The following SAC3D1 variants were observed in gnomAD, a reference collection of about 807,000 sequenced individuals.
SAC3D1 encodes SAC3 domain containing 1.
SAC3D1 carries 10 observed loss-of-function variants against 12.7 expected under a neutral mutation model. The ratio of observed to expected loss-of-function variants is 0.79; its 90% CI spans 0.49 to 1.34. SAC3D1 has a LOEUF of 1.34. Ranked by LOEUF, SAC3D1 falls within the 40% of genes most tolerant of loss-of-function variation. The pLI is 0.00. For missense variants in SAC3D1, 482 were observed against 531.1 expected (o/e 0.91, Z 0.91); for synonymous variants, 241 against 250.8 (o/e 0.96, Z 0.37).
chr11:65,041,552 C>T lies in SAC3D1; in HGVS notation c.260C>T (p.Ala87Val). Residue 87 changes from alanine (A) to valine (V), a missense_variant, in exon 1 of 2, where the codon GCG (alanine) becomes GTG (valine). This residue lies in a region of SAC3D1 where 197 missense variants were observed against 183.2 expected (regional missense o/e 1.08). Coordinates refer to ENST00000652489, the MANE Select transcript of SAC3D1 (RefSeq NM_013299.4). The stretch of plus-strand genomic sequence containing the variant: ...GTGCGCTACCTGGCCGGTGAGGTGG[C>T]GGAGAGCGCCGACATCGCCCGCGCC... ...ATVRYLAGEV[A>V]ESADIARAEV... 6.8e-7 allele frequency: 1 copy of T among 1,476,606 alleles called. No homozygotes were observed. Among genetic ancestry groups the T allele is most frequent in the Non-Finnish European group, 8.9e-7 (1 of 1,119,426 alleles). 91.5% of individuals were successfully genotyped at this position (1,476,606 alleles called of 1,614,324 possible). A position where few individuals can be genotyped will look rare whatever the true frequency, so the allele number is the denominator to read the frequency against.
chr11:65,042,655 C>T (rs1046884539), intron 1 of SAC3D1, among the ~76,000 whole-genome samples: 5 of 152,064 alleles, frequency 3.3e-5, no homozygotes, highest in African/African-American at 1.2e-4. Flanking sequence ...TATTCGCCTG[C>T]GTCAGCCTCC....
chr11:65,043,900 T>A (rs1946659492), intron 1 of SAC3D1, among the ~76,000 whole-genome samples: 1 of 151,944 alleles, frequency 6.6e-6, no homozygotes, highest in African/African-American at 2.4e-5. Flanking sequence ...TGGACTGGGG[T>A]CAGGCTCAAC....
chr11:65,041,939 G>A, intron 1 of SAC3D1, 73 bp downstream of exon 1: 1 of 1,293,862 alleles, frequency 7.7e-7, no homozygotes, highest in South Asian at 2.1e-5. Context: ...GTAGGGAAAG[G>A]AAGGATTAGC....
intron 1 of SAC3D1, among the ~76,000 whole-genome samples, chr11:65,042,201 G>A (rs772070650): frequency 6.6e-6 from 1 of 150,892 alleles, no homozygotes; most frequent in African/African-American, 2.4e-5. Flanking sequence ...TGGGTCAAGC[G>A]ATTCTTCTGC....
At chr11:65,042,384 C>T (rs947809475) in intron 1 of SAC3D1, among the ~76,000 whole-genome samples, 7 of 147,738 alleles carry the variant, frequency 4.7e-5, no homozygotes, top group Non-Finnish European at 7.4e-5. Context: ...CGTGAGCCAC[C>T]GCGCCCGGCT....
chr11:65,041,390 AGGT>A lies in SAC3D1; in HGVS notation c.103_105del (p.Val35del), dbSNP rs1458875431. Reference sequence around the variant, plus strand: ...AGGGAGCACCGCCTGCACCGCTTGGAGGTGGTGCCGGGTTGCCGCCAGGACCCG... The same window carrying A: ...AGGGAGCACCGCCTGCACCGCTTGGAGGTGCCGGGTTGCCGCCAGGACCCG... On this transcript the variant is annotated inframe_deletion, in exon 1 of 2. Coordinates refer to ENST00000652489, the MANE Select transcript of SAC3D1 (RefSeq NM_013299.4). 1.4e-5 allele frequency: 21 copies of A among 1,507,724 alleles called. No individual in the cohort carries two copies. Among genetic ancestry groups the A allele is most frequent in the Non-Finnish European group, 1.8e-5 (21 of 1,135,370 alleles). 93.4% of individuals were successfully genotyped at this position (1,507,724 alleles called of 1,614,324 possible).
chr11:65,042,903 A>G (rs1201514757), intron 1 of SAC3D1: 1 of 295,930 alleles, frequency 3.4e-6, no homozygotes, highest in African/African-American at 2.3e-5. Context: ...TGGCTTAATT[A>G]TAGTTCACTG....
chr11:65,041,753 T>C lies in SAC3D1; in HGVS notation c.461T>C (p.Leu154Pro), dbSNP rs919537145. Reference protein sequence around the residue: ...AARGPADPVLLQAQVQEGFGS... With the variant: ...AARGPADPVLPQAQVQEGFGS... ...CGGGGACCCGCGGACCCGGTGCTGC[T>C]GCAGGCCCAGGTGCAGGAGGGCTTC... is the stretch of plus-strand genomic sequence containing the variant. The change falls in exon 1 of 2, where the codon CTG becomes CCG. Residue 154 changes from leucine to proline, a missense_variant. Physicochemically the swap from Leu to Pro is moderately conservative, Grantham distance 98. This residue lies in a region of SAC3D1 where 60 missense variants were observed against 106.9 expected (regional missense o/e 0.56). Coordinates refer to ENST00000652489, the MANE Select transcript of SAC3D1 (RefSeq NM_013299.4). The C allele has an allele frequency of 1.5e-6, 2 of 1,335,684 alleles. No homozygotes were observed. Among genetic ancestry groups the C allele is most frequent in the African/African-American group, 3.1e-5 (2 of 64,958 alleles). 82.7% of individuals were successfully genotyped at this position (1,335,684 alleles called of 1,614,324 possible).
chr11:65,044,257 C>G lies in SAC3D1; in HGVS notation c.607C>G (p.Leu203Val), dbSNP rs1946668190. ...SVEALHEVLQ[L>V]PAALRACPPL... ...GGAAGCCCTGCATGAGGTTCTACAG[C>G]TGCCTGCTGCCCTGCGCGCCTGCCC... Residue 203 changes from leucine to valine, a missense_variant, in exon 2 of 2, where the codon CTG becomes GTG. Coordinates refer to ENST00000652489, the MANE Select transcript of SAC3D1 (RefSeq NM_013299.4). The surrounding 1 kb of genome is among the most constrained non-coding windows in gnomAD (Gnocchi z 4.0). 6.2e-7 allele frequency: 1 copy of G among 1,613,020 alleles called. No individual in the cohort carries two copies. The highest frequency in any genetic ancestry group is 8.5e-7 in the Non-Finnish European group (1 of 1,179,972).
In SAC3D1 at chr11:65,041,353, G is replaced by C. The variant is rs756082534; in HGVS notation, c.61G>C (p.Ala21Pro). The C allele has an allele frequency of 1.5e-4, 220 of 1,509,616 alleles. 1 individual carries two copies. The highest frequency in any genetic ancestry group is 1.9e-4 in the Non-Finnish European group (217 of 1,136,300). The allele number at this position is 1,509,616 out of a possible 1,614,324, so 93.5% of individuals were successfully genotyped here. ...GGACATGTGCCCGGCCGCCGAGCGC[G>C]CCCAGCGCGAAAGGGAGCACCGCCT... ...CPDMCPAAER[A>P]QREREHRLHR... The change falls in exon 1 of 2, where the codon GCC becomes CCC. Residue 21 changes from alanine (A) to proline (P), a missense_variant. Coordinates refer to ENST00000652489, the MANE Select transcript of SAC3D1 (RefSeq NM_013299.4).
chr11:65,043,935 C>G (rs1049267288), intron 1 of SAC3D1, among the ~76,000 whole-genome samples: 33 of 152,336 alleles, frequency 2.2e-4, no homozygotes, highest in African/African-American at 7.5e-4. Context: ...AGGACACTCT[C>G]AGGCGAATCA....
rs1327160863 is a variant in SAC3D1, at chr11:65,041,424, C to G, written c.132C>G (p.Arg44=). ...VVPGCRQDPP[R]ADPQRAVKEY... ...CGGGTTGCCGCCAGGACCCGCCCCG[C>G]GCGGATCCGCAGCGCGCGGTGAAGG... Residue 44 remains arginine, a synonymous_variant, in exon 1 of 2, where the codon CGC becomes CGG. Coordinates refer to ENST00000652489, the MANE Select transcript of SAC3D1 (RefSeq NM_013299.4). The G allele has an allele frequency of 6.6e-7, 1 of 1,504,340 alleles. No homozygotes were observed. Among genetic ancestry groups the G allele is most frequent in the Non-Finnish European group, 8.8e-7 (1 of 1,133,578 alleles). The allele number at this position is 1,504,340 out of a possible 1,614,324, so 93.2% of individuals were successfully genotyped here.
In SAC3D1 at chr11:65,041,557, A is replaced by G. The variant is rs573623943; in HGVS notation, c.265A>G (p.Ser89Gly). The change falls in exon 1 of 2, where the codon AGC becomes GGC. Residue 89 changes from serine (S) to glycine (G), a missense_variant. Coordinates refer to ENST00000652489, the MANE Select transcript of SAC3D1 (RefSeq NM_013299.4). ...CTACCTGGCCGGTGAGGTGGCGGAG[A>G]GCGCCGACATCGCCCGCGCCGAGGT... ...VRYLAGEVAE[S>G]ADIARAEVAS... The G allele has an allele frequency of 4.1e-6, 6 of 1,477,680 alleles. No homozygotes were observed. The African/African-American group carries it at 4.4e-5, about 11-fold the overall frequency. The allele number at this position is 1,477,680 out of a possible 1,614,324, so 91.5% of individuals were successfully genotyped here.
chr11:65,044,102 A>C lies in SAC3D1; in HGVS notation c.575-123A>C. On this transcript the variant is annotated intron_variant, in intron 1 of 1. Transcript: ENST00000652489. The surrounding 1 kb of genome is among the most constrained non-coding windows in gnomAD (Gnocchi z 4.0). Reference sequence around the variant, plus strand: ...GGCTGGCCCTTAGAGGGGAGAGGGAAGTTGGGCTAGGCCTAGAGAAGGGGC... The same window carrying C: ...GGCTGGCCCTTAGAGGGGAGAGGGACGTTGGGCTAGGCCTAGAGAAGGGGC... 4 of 1,119,322 alleles carry C rather than the reference A, an allele frequency of 3.6e-6. No individual in the cohort carries two copies. The highest frequency in any genetic ancestry group is 5.1e-6 in the Non-Finnish European group (4 of 778,210). 69.3% of individuals were successfully genotyped at this position (1,119,322 alleles called of 1,614,324 possible). A position where few individuals can be genotyped will look rare whatever the true frequency, so the allele number is the denominator to read the frequency against.
chr11:65,041,727 G>GCGGGGACC lies in SAC3D1; in HGVS notation c.438_445dup (p.Ala149GlyfsTer74), dbSNP rs1358138143. The GCGGGGACC allele has an allele frequency of 1.5e-6, 2 of 1,306,230 alleles. No homozygotes were observed. Among genetic ancestry groups the GCGGGGACC allele is most frequent in the African/African-American group, 1.5e-5 (1 of 64,572 alleles). 80.9% of individuals were successfully genotyped at this position (1,306,230 alleles called of 1,614,324 possible). ...TGGCGCGGCTCGGGCCCGACGCGGC[G>GCGGGGACC]CGGGGACCCGCGGACCCGGTGCTGC... is the stretch of plus-strand genomic sequence containing the variant. On this transcript the variant is annotated frameshift_variant, in exon 1 of 2. Transcript: ENST00000652489. LOFTEE classifies it high-confidence loss of function.
intron 1 of SAC3D1, 127 bp downstream of exon 1, chr11:65,041,993 C>T (rs1946614832): frequency 1.7e-6 from 2 of 1,205,556 alleles, no homozygotes; most frequent in African/African-American, 1.6e-5. Flanking sequence ...AGCACAAGAT[C>T]CACCGAGCCC....
Position 65,041,464 on chromosome 11 carries a change from G to A in SAC3D1, c.172G>A (p.Ala58Thr), listed in dbSNP as rs1039099086. Reference sequence around the variant, plus strand: ...CGCGGTGAAGGAGTACAGCCGACCCGCCGCCGGCAAGCCCCGGCCCCCGCC... The same window carrying A: ...CGCGGTGAAGGAGTACAGCCGACCCACCGCCGGCAAGCCCCGGCCCCCGCC... The part of the protein sequence containing the change: ...QRAVKEYSRP[A>T]AGKPRPPPSQ... The change falls in exon 1 of 2, where the codon GCC becomes ACC. Residue 58 changes from alanine to threonine, a missense_variant. Around this residue, in one of 3 missense-constraint regions of SAC3D1, gnomAD observed 197 missense variants for 183.2 expected, o/e 1.08. Coordinates refer to ENST00000652489, the MANE Select transcript of SAC3D1 (RefSeq NM_013299.4). 1 of 1,482,034 alleles carries A rather than the reference G, an allele frequency of 6.7e-7. No individual in the cohort carries two copies. Among genetic ancestry groups the A allele is most frequent in the Middle Eastern group, 2.2e-4 (1 of 4,484 alleles). The allele number at this position is 1,482,034 out of a possible 1,614,324, so 91.8% of individuals were successfully genotyped here.
Position 65,041,227 on chromosome 11 carries a change from C to T in SAC3D1, c.-66C>T, listed in dbSNP as rs781740252. On this transcript the variant is annotated 5_prime_UTR_variant, in exon 1 of 2. Coordinates refer to ENST00000652489, the MANE Select transcript of SAC3D1 (RefSeq NM_013299.4). Reference sequence around the variant, plus strand: ...GCTCCCCACCCCCCGGCCGGCCTCGCGTGCCTTCCCGCAGCACTGCCGTCC... The same window carrying T: ...GCTCCCCACCCCCCGGCCGGCCTCGTGTGCCTTCCCGCAGCACTGCCGTCC... 2.9e-5 allele frequency: 41 copies of T among 1,425,300 alleles called. No homozygotes were observed. Among genetic ancestry groups the T allele is most frequent in the Middle Eastern group, 2.4e-4 (1 of 4,136 alleles). 88.3% of individuals were successfully genotyped at this position (1,425,300 alleles called of 1,614,324 possible).
In SAC3D1 at chr11:65,042,654, G is replaced by A. The variant is rs535887324; in HGVS notation, c.574+788G>A. ...CCTCCCGGGTTCAGGCTATTCGCCT[G>A]CGTCAGCCTCCCAAAGAGCTGGGAC... is the stretch of plus-strand genomic sequence containing the variant. On this transcript the variant is annotated intron_variant, in intron 1 of 1. Coordinates refer to ENST00000652489, the MANE Select transcript of SAC3D1 (RefSeq NM_013299.4). Among the ~76,000 whole-genome samples the A allele has an allele frequency of 2.6e-5, 4 of 151,404 alleles. No homozygotes were observed. In the South Asian group the frequency reaches 8.4e-4, roughly 32 times the overall value.
Sources: gnomAD v4.1 joint callset for allele counts (sites outside exome capture counted in the v4.1 genomes callset) on GRCh38, gnomAD v4.1.1 for gene constraint, gnomAD v4.1.1 regional missense constraint, Gnocchi (gnomAD v3.1) non-coding constraint, MANE v1.5 for transcripts, NCBI Gene and HGNC (gene_info 2026-07-23, HGNC 2026-07-21) for gene names.